Variants in DRC11 observed in about 807,000 individuals in gnomAD.
DRC11 encodes dynein regulatory complex subunit 11.
the DRC11 span, among the ~76,000 whole-genome samples, chr2:236,490,952 ATG>A: frequency 6.9e-5 from 10 of 145,496 alleles, no homozygotes; most frequent in Admixed American, 2.1e-4. The surrounding 1 kb of genome is among the most constrained non-coding windows in gnomAD (Gnocchi z 5.5). Context: ...GTGTATATAT[ATG>A]TGTGTATATA....
the DRC11 span, among the ~76,000 whole-genome samples, chr2:236,373,451 A>G: frequency 2.1e-3 from 322 of 152,132 alleles, 1 homozygote; most frequent in African/African-American, 7.4e-3. Context: ...GTGTTCCTCC[A>G]TGTTGGCCAG....
the DRC11 span, among the ~76,000 whole-genome samples, chr2:236,314,177 ATC>A: frequency 3.9e-5 from 6 of 152,194 alleles, no homozygotes; most frequent in African/African-American, 1.4e-4. The surrounding 1 kb of genome is among the most constrained non-coding windows in gnomAD (Gnocchi z 4.5). Flanking sequence ...CCTATGCAGG[ATC>A]TCTCTGATAT....
the DRC11 span, among the ~76,000 whole-genome samples, chr2:236,475,439 T>G: frequency 1.6e-4 from 25 of 152,336 alleles, no homozygotes; most frequent in East Asian, 3.1e-3. The surrounding 1 kb of genome is among the most constrained non-coding windows in gnomAD (Gnocchi z 4.8). Context: ...GCAACAGGCA[T>G]GCAAGTGCAG....
the DRC11 span, among the ~76,000 whole-genome samples, chr2:236,482,883 A>G: frequency 2.0e-5 from 3 of 152,328 alleles, no homozygotes; most frequent in South Asian, 6.2e-4. This position sits in a 1 kb window ranked among gnomAD's most constrained non-coding sequence, Gnocchi z 4.5. Flanking sequence ...AACAAATTTA[A>G]CTGTGGTAAA....
the DRC11 span, among the ~76,000 whole-genome samples, chr2:236,500,794 C>T: frequency 6.6e-6 from 1 of 152,110 alleles, no homozygotes; most frequent in Admixed American, 6.6e-5. This position sits in a 1 kb window ranked among gnomAD's most constrained non-coding sequence, Gnocchi z 6.3. Context: ...CCTCTGCCTC[C>T]CAGGCTCAAG....
At chr2:236,477,492 G>A in the DRC11 span, among the ~76,000 whole-genome samples, 40 of 152,322 alleles carry the variant, frequency 2.6e-4, no homozygotes, top group African/African-American at 8.9e-4. Flanking sequence ...TGTCTTAAGG[G>A]TGGCAGAGGC....
At chr2:236,437,622 A>G in the DRC11 span, among the ~76,000 whole-genome samples, 1 of 149,670 alleles carries the variant, frequency 6.7e-6, no homozygotes, top group Non-Finnish European at 1.5e-5. Context: ...TGACTTTTTA[A>G]TGATTGCCAT....
the DRC11 span, chr2:236,331,423 A>G: frequency 3.1e-6 from 5 of 1,613,760 alleles, no homozygotes; most frequent in Non-Finnish European, 4.2e-6. This position sits in a 1 kb window ranked among gnomAD's most constrained non-coding sequence, Gnocchi z 4.8. Flanking sequence ...AATAAACTCA[A>G]CTGCAGTGAG....
At chr2:236,373,248 T>C in the DRC11 span, among the ~76,000 whole-genome samples, 61 of 152,022 alleles carry the variant, frequency 4.0e-4, no homozygotes, top group Middle Eastern at 0.014. Flanking sequence ...AATTCTTTAA[T>C]GTATATTAAC....
the DRC11 span, chr2:236,364,038 A>C: frequency 6.9e-7 from 1 of 1,451,194 alleles, no homozygotes; most frequent in Non-Finnish European, 9.5e-7. Flanking sequence ...TGGTTCTTCA[A>C]CTAGGATAAC....
the DRC11 span, among the ~76,000 whole-genome samples, chr2:236,396,283 G>C: frequency 2.7e-5 from 3 of 112,890 alleles, no homozygotes; most frequent in Non-Finnish European, 5.3e-5. Flanking sequence ...TCACACGTGG[G>C]GGGGCAATGA....
the DRC11 span, chr2:236,407,970 G>T: frequency 3.7e-6 from 2 of 537,814 alleles, no homozygotes; most frequent in East Asian, 5.0e-5. Context: ...TGGTGTCAAT[G>T]AACTTAAGGT....
At chr2:236,488,299 A>G in the DRC11 span, 2 of 710,598 alleles carry the variant, frequency 2.8e-6, no homozygotes, top group East Asian at 6.2e-5. Flanking sequence ...AAGGGTCCCC[A>G]CGGCTGATCA....
the DRC11 span, among the ~76,000 whole-genome samples, chr2:236,484,060 C>A: frequency 4.1e-4 from 63 of 152,186 alleles, 2 homozygotes; most frequent in South Asian, 8.1e-3. Flanking sequence ...AACACTTAAA[C>A]CTAAAAAGAA....
chr2:236,411,451 CT>C, the DRC11 span, among the ~76,000 whole-genome samples: 2 of 151,842 alleles, frequency 1.3e-5, no homozygotes, highest in Admixed American at 1.3e-4. Context: ...GTTGGTGGGA[CT>C]GTAAACTAGT....
chr2:236,472,005 T>A, the DRC11 span, among the ~76,000 whole-genome samples: 1 of 152,196 alleles, frequency 6.6e-6, no homozygotes, highest in East Asian at 1.9e-4. This position sits in a 1 kb window ranked among gnomAD's most constrained non-coding sequence, Gnocchi z 4.6. Flanking sequence ...GAGACAAGAA[T>A]AAAACTGCAT....
At chr2:236,361,115 G>A in the DRC11 span, among the ~76,000 whole-genome samples, 1 of 152,176 alleles carries the variant, frequency 6.6e-6, no homozygotes, top group African/African-American at 2.4e-5. The surrounding 1 kb of genome is among the most constrained non-coding windows in gnomAD (Gnocchi z 5.7). Context: ...AGGCAATTAA[G>A]TTCAAAGACT....
the DRC11 span, among the ~76,000 whole-genome samples, chr2:236,433,023 T>C: frequency 5.3e-5 from 8 of 152,178 alleles, no homozygotes. Flanking sequence ...ATTTCCTTTT[T>C]TCCTTTCACA....
the DRC11 span, among the ~76,000 whole-genome samples, chr2:236,427,204 A>C: frequency 6.6e-6 from 1 of 152,182 alleles, no homozygotes; most frequent in Non-Finnish European, 1.5e-5. The surrounding 1 kb of genome is among the most constrained non-coding windows in gnomAD (Gnocchi z 5.9). Context: ...GGGTTTCTGC[A>C]TCTATGTTCA....
Sources: allele counts gnomAD v4.1 joint callset (sites outside exome capture counted in the v4.1 genomes callset), GRCh38; gene constraint gnomAD v4.1.1; non-coding constraint Gnocchi (gnomAD v3.1); transcripts MANE v1.5; gene names NCBI Gene and HGNC (gene_info 2026-07-23, HGNC 2026-07-21).